The following DYRK1A variants were observed in gnomAD, a reference collection of about 807,000 sequenced individuals.
The protein encoded by DYRK1A is dual specificity tyrosine phosphorylation regulated kinase 1A, also known as dual specificity tyrosine-phosphorylation-regulated kinase 1A.
DYRK1A carries 9 observed loss-of-function variants against 79.7 expected under a neutral mutation model. The observed-to-expected ratio is 0.11, with a 90% CI of 0.07 to 0.20. DYRK1A has a LOEUF of 0.20. Ranked by LOEUF, DYRK1A falls within the 10% of genes least tolerant of loss-of-function variation. The pLI is 1.00. For synonymous variants in DYRK1A, 349 were observed against 329.7 expected, an observed-to-expected ratio of 1.06 and a Z score of -0.63; for missense variants, 622 against 956.0, an observed-to-expected ratio of 0.65 and a Z score of 4.61.
chr21:37,482,694 A>G lies in DYRK1A; in HGVS notation c.489+1868A>G, dbSNP rs183526468. Among the ~76,000 whole-genome samples, 139 of 152,268 alleles carry G rather than the reference A, an allele frequency of 9.1e-4. 2 individuals carry two copies. The highest frequency in any genetic ancestry group is 1.3e-3 in the Admixed American group (20 of 15,294). The stretch of plus-strand genomic sequence containing the variant: ...ATTAGGCGGGAATTTCCTTGTCCTA[A>G]TAAGCCTGGGGGTGCTATGGGAGAC... On this transcript the variant is annotated intron_variant, in intron 5 of 11. Transcript: ENST00000647188.
chr21:37,511,649 A>G (rs917880286), intron 11 of DYRK1A, among the ~76,000 whole-genome samples: 1 of 152,214 alleles, frequency 6.6e-6, no homozygotes, highest in African/African-American at 2.4e-5. Flanking sequence ...AGGGCTCCCA[A>G]GGAAGGACAG....
intron 1 of DYRK1A, among the ~76,000 whole-genome samples, chr21:37,369,380 G>T (rs565200083): frequency 3.6e-4 from 55 of 152,298 alleles, no homozygotes; most frequent in Non-Finnish European, 6.5e-4. Context: ...TCATTTCAAA[G>T]AAACTGGTTA....
At chr21:37,437,914 A>G (rs182430069) in intron 2 of DYRK1A, among the ~76,000 whole-genome samples, 2 of 152,358 alleles carry the variant, frequency 1.3e-5, no homozygotes, top group Admixed American at 6.5e-5. Flanking sequence ...TAACTTTTAA[A>G]GAAACTGCTA....
intron 11 of DYRK1A, 87 bp downstream of exon 11, chr21:37,506,310 G>T (rs766703434): frequency 1.2e-6 from 2 of 1,610,534 alleles, no homozygotes; most frequent in Admixed American, 3.4e-5. Context: ...TAGAATGACC[G>T]TATCATTTAC....
intron 2 of DYRK1A, among the ~76,000 whole-genome samples, chr21:37,422,697 G>A (rs898051501): frequency 6.6e-6 from 1 of 152,180 alleles, no homozygotes; most frequent in Non-Finnish European, 1.5e-5. Flanking sequence ...TATGTTAATT[G>A]GCTTGATTGT....
intron 1 of DYRK1A, among the ~76,000 whole-genome samples, chr21:37,391,717 T>C (rs1329098147): frequency 2.6e-5 from 4 of 152,250 alleles, no homozygotes; most frequent in African/African-American, 9.6e-5. Flanking sequence ...ATTCTCTTGA[T>C]AACCTAGCCC....
chr21:37,485,070 A>G (rs1051022803), intron 5 of DYRK1A, among the ~76,000 whole-genome samples: 2 of 152,150 alleles, frequency 1.3e-5, no homozygotes, highest in Non-Finnish European at 2.9e-5. Context: ...TGGGGAGCTT[A>G]CCCAAAAAAT....
intron 9 of DYRK1A, among the ~76,000 whole-genome samples, chr21:37,498,296 C>T (rs2053335581): frequency 1.3e-5 from 2 of 152,134 alleles, no homozygotes; most frequent in Admixed American, 6.5e-5. Context: ...TTGTGTACAG[C>T]AGTGTCCCCC....
Position 37,461,741 on chromosome 21 carries a change from A to T in DYRK1A, c.11-10943A>T, listed in dbSNP as rs116665646. Among the ~76,000 whole-genome samples, 1,373 of 151,238 alleles carry T rather than the reference A, an allele frequency of 9.1e-3. 19 individuals carry two copies. Among genetic ancestry groups the T allele is most frequent in the African/African-American group, 0.032 (1,318 of 41,150 alleles). On this transcript the variant is annotated intron_variant, in intron 2 of 11. Transcript: ENST00000647188. ...CATGGTTTCTGGTGAGAAAGTGGTG[A>T]CTCCCCTATATGGAAACAGGTGTTT...
At chr21:37,508,960 C>T (rs1374895581) in intron 11 of DYRK1A, among the ~76,000 whole-genome samples, 4 of 152,186 alleles carry the variant, frequency 2.6e-5, no homozygotes, top group African/African-American at 9.7e-5. Flanking sequence ...ACCGCAAACA[C>T]ATACAAGAGT....
At chr21:37,508,645 CTTA>C (rs1445825014) in intron 11 of DYRK1A, among the ~76,000 whole-genome samples, 2 of 131,502 alleles carry the variant, frequency 1.5e-5, no homozygotes, top group African/African-American at 5.5e-5. Context: ...GAAATGTAGA[CTTA>C]TTATCAAGGC....
At chr21:37,393,161 C>T (rs1248617471) in intron 1 of DYRK1A, among the ~76,000 whole-genome samples, 1 of 152,234 alleles carries the variant, frequency 6.6e-6, no homozygotes, top group Non-Finnish European at 1.5e-5. Context: ...GGGGAGCTGT[C>T]TCTTTCTGGT....
chr21:37,479,612 G>GTTTTTTTTTTTTTTTTTTTTTTTTTTT lies in DYRK1A; in HGVS notation c.301-1020_301-1019insTTTTTTTTTTTTTTTTTTTTTTTTTTT, dbSNP rs367673016. ...GTGTTTTGTTTTTGTTTTTGTTTTTGTTTTTTGTTTTTTTTTTTTTTTTTG... is the reference window on the plus strand; with the variant it reads ...GTGTTTTGTTTTTGTTTTTGTTTTTGTTTTTTTTTTTTTTTTTTTTTTTTTTTTTTTTTGTTTTTTTTTTTTTTTTTG... On this transcript the variant is annotated intron_variant, in intron 4 of 11. Transcript: ENST00000647188. Among the ~76,000 whole-genome samples the GTTTTTTTTTTTTTTTTTTTTTTTTTTT allele has an allele frequency of 1.1e-3, 52 of 47,174 alleles. 9 individuals are homozygous for GTTTTTTTTTTTTTTTTTTTTTTTTTTT. Among genetic ancestry groups the GTTTTTTTTTTTTTTTTTTTTTTTTTTT allele is most frequent in the Non-Finnish European group, 1.6e-3 (45 of 27,342 alleles). 30.9% of individuals were successfully genotyped at this position (47,174 alleles called of 152,430 possible). A position where few individuals can be genotyped will look rare whatever the true frequency, so the allele number is the denominator to read the frequency against.
intron 2 of DYRK1A, among the ~76,000 whole-genome samples, chr21:37,461,663 G>A (rs559521386): frequency 5.9e-5 from 9 of 152,208 alleles, no homozygotes; most frequent in Admixed American, 3.3e-4. Flanking sequence ...GTAGGTTAAA[G>A]GTCTTTTTTA....
chr21:37,406,207 C>T (rs1355624187), intron 1 of DYRK1A, among the ~76,000 whole-genome samples: 5 of 152,098 alleles, frequency 3.3e-5, no homozygotes, highest in African/African-American at 1.2e-4. Flanking sequence ...CTTTTTAAAG[C>T]AGAAGTATTT....
intron 11 of DYRK1A, among the ~76,000 whole-genome samples, chr21:37,508,953 G>A (rs1003978857): frequency 2.0e-5 from 3 of 151,944 alleles, no homozygotes; most frequent in South Asian, 2.1e-4. Context: ...ATTCCATACC[G>A]CAAACACATA....
intron 7 of DYRK1A, among the ~76,000 whole-genome samples, chr21:37,492,726 T>C (rs780589995): frequency 9.2e-5 from 14 of 152,162 alleles, no homozygotes; most frequent in East Asian, 3.9e-4. Context: ...GTTTTTTTTT[T>C]CCTAGTGAGG....
At chr21:37,446,356 T>C (rs1296529130) in intron 2 of DYRK1A, among the ~76,000 whole-genome samples, 1 of 152,238 alleles carries the variant, frequency 6.6e-6, no homozygotes, top group East Asian at 1.9e-4. Flanking sequence ...AGATAAATAC[T>C]GTAGTGGATG....
chr21:37,468,153 G>A (rs985585528), intron 2 of DYRK1A, among the ~76,000 whole-genome samples: 1 of 152,086 alleles, frequency 6.6e-6, no homozygotes, highest in Non-Finnish European at 1.5e-5. Flanking sequence ...TGTTACCCAG[G>A]CTGGAGCACA....
Sources: allele counts gnomAD v4.1 joint callset (sites outside exome capture counted in the v4.1 genomes callset), GRCh38; gene constraint gnomAD v4.1.1; transcripts MANE v1.5; gene names NCBI Gene and HGNC (gene_info 2026-07-23, HGNC 2026-07-21).